Variants in RC3H1 observed in about 807,000 individuals in gnomAD.
The protein encoded by RC3H1 is ring finger and CCCH-type domains 1.
Under a neutral mutation model 138.2 loss-of-function variants are expected in RC3H1, and 50 were observed. The observed-to-expected ratio is 0.36, with a 90% CI of 0.29 to 0.46. RC3H1 has a LOEUF of 0.46. Among genes scored for constraint, RC3H1 ranks in the 20% least tolerant of loss-of-function variants. The pLI is 1.00. For synonymous variants in RC3H1, 462 were observed against 489.1 expected (o/e 0.94, Z 0.73); for missense variants, 1,031 against 1,388.1 (o/e 0.74, Z 4.09).
Position 174,010,952 on chromosome 1 carries a change from TAATG to T in RC3H1, c.-151+11140_-151+11143del, listed in dbSNP as rs61344364. Among the ~76,000 whole-genome samples, 1,068 of 152,296 alleles carry T rather than the reference TAATG, an allele frequency of 7.0e-3. 15 individuals are homozygous for T. The highest frequency in any genetic ancestry group is 0.024 in the African/African-American group (1,002 of 41,556). On this transcript the variant is annotated intron_variant, in intron 1 of 19. Coordinates refer to ENST00000367696, the MANE Select transcript of RC3H1 (RefSeq NM_172071.4). ...AAAACTCTGGGTACAATGGATTAAT[TAATG>T]AATGTCAATCATGGGGGAATAGGTG... is the stretch of plus-strand genomic sequence containing the variant.
At chr1:173,941,418 T>C in intron 18 of RC3H1, 38 bp from the exon 19 acceptor site, 2 of 1,318,224 alleles carry the variant, frequency 1.5e-6, no homozygotes, top group Non-Finnish European at 2.2e-6. Context: ...TTATCATCTA[T>C]TTAATGGTGT....
At chr1:173,985,202 A>G (rs1660976072) in intron 2 of RC3H1, among the ~76,000 whole-genome samples, 1 of 152,204 alleles carries the variant, frequency 6.6e-6, no homozygotes, top group African/African-American at 2.4e-5. Flanking sequence ...TATTTACACA[A>G]TCATCATTGA....
chr1:173,943,292 G>T, intron 18 of RC3H1, 150 bp downstream of exon 18: 1 of 623,138 alleles, frequency 1.6e-6, no homozygotes, highest in Non-Finnish European at 2.5e-6. Flanking sequence ...TGATAAAATC[G>T]GAAGGTAGCC....
chr1:173,983,182 C>G (rs1314791978), intron 4 of RC3H1: 1 of 529,610 alleles, frequency 1.9e-6, no homozygotes, highest in Non-Finnish European at 3.1e-6. Flanking sequence ...AAGGAAAAAT[C>G]AAAAAATTAA....
chr1:173,992,067 T>G (rs1486514372), intron 2 of RC3H1, among the ~76,000 whole-genome samples: 1 of 152,234 alleles, frequency 6.6e-6, no homozygotes, highest in Non-Finnish European at 1.5e-5. Context: ...CAGCTGCACC[T>G]TCTCTACTGA....
Position 173,982,783 on chromosome 1 carries a change from A to C in RC3H1, c.712T>G (p.Ser238Ala). Reference sequence around the variant, plus strand: ...ACAACATGCCCAATGCTAGTTTTAGAGGCTTGAGGAAACCGTGGCTCCAAT... The same window carrying C: ...ACAACATGCCCAATGCTAGTTTTAGCGGCTTGAGGAAACCGTGGCTCCAAT... ...QRLEPRFPQA[S>A]KTSIGHVVQL... The change falls in exon 5 of 20, where the codon TCT (serine) becomes GCT (alanine). Residue 238 changes from serine (S) to alanine (A), a missense_variant. By Grantham distance (99) the Ser-to-Ala change is moderately conservative. This residue lies in a region of RC3H1 where 53 missense variants were observed against 137.4 expected (regional missense o/e 0.39). Transcript: ENST00000367696. The C allele has an allele frequency of 6.2e-7, 1 of 1,613,590 alleles. No individual in the cohort carries two copies. The highest frequency in any genetic ancestry group is 2.2e-5 in the East Asian group (1 of 44,814).
chr1:173,986,496 C>G (rs1266267722), intron 2 of RC3H1, among the ~76,000 whole-genome samples: 1 of 152,074 alleles, frequency 6.6e-6, no homozygotes, highest in East Asian at 1.9e-4. Context: ...CCCAGACTGG[C>G]CTCGAATTCC....
intron 1 of RC3H1, chr1:174,009,288 A>G (rs1661709134): frequency 1.3e-5 from 2 of 152,090 alleles, no homozygotes. Flanking sequence ...TCTTCCTCCA[A>G]CCCTGAACCT....
intron 13 of RC3H1, among the ~76,000 whole-genome samples, chr1:173,954,596 G>GT (rs1363558699): frequency 6.6e-6 from 1 of 152,088 alleles, no homozygotes; most frequent in African/African-American, 2.4e-5. Context: ...AAAAAATTAT[G>GT]TTTTTTTGAA....
chr1:173,968,856 A>ATTTT (rs370550482), intron 9 of RC3H1, among the ~76,000 whole-genome samples: 13 of 128,086 alleles, frequency 1.0e-4, no homozygotes, highest in East Asian at 4.4e-4. Flanking sequence ...AGGAATTTTG[A>ATTTT]TTTTTTTTTT....
intron 13 of RC3H1, among the ~76,000 whole-genome samples, chr1:173,954,107 G>T (rs968633097): frequency 1.3e-5 from 2 of 152,110 alleles, no homozygotes; most frequent in Non-Finnish European, 2.9e-5. Flanking sequence ...CAAAGGAAAA[G>T]AAATCAGTAT....
At chr1:173,983,908 T>C (rs894099468) in intron 3 of RC3H1, among the ~76,000 whole-genome samples, 2 of 152,212 alleles carry the variant, frequency 1.3e-5, no homozygotes, top group African/African-American at 4.8e-5. Context: ...CCATTACTCA[T>C]TTTAATCATA....
intron 1 of RC3H1, among the ~76,000 whole-genome samples, chr1:174,006,674 C>T (rs1330407932): frequency 6.6e-6 from 1 of 152,090 alleles, no homozygotes; most frequent in Non-Finnish European, 1.5e-5. Flanking sequence ...CTGAGCATGA[C>T]TGGTTTTAAG....
In RC3H1 at chr1:173,947,448, G is replaced by C; in HGVS notation, c.2658C>G (p.Ser886=). The change falls in exon 15 of 20, where the codon TCC becomes TCG. Residue 886 remains serine, a synonymous_variant. Coordinates refer to ENST00000367696, the MANE Select transcript of RC3H1 (RefSeq NM_172071.4). Reference sequence around the variant, plus strand: ...GACCAGCACCCTGATATATAGTTTTGGAAGTTCGTGAGATGGCACCAAACC... The same window carrying C: ...GACCAGCACCCTGATATATAGTTTTCGAAGTTCGTGAGATGGCACCAAACC... The part of the protein sequence containing the change: ...VSRFGAISRT[S]KTIYQGAGPM... 1.2e-6 allele frequency: 2 copies of C among 1,614,020 alleles called. No individual in the cohort carries two copies. Among genetic ancestry groups the C allele is most frequent in the South Asian group, 2.2e-5 (2 of 91,072 alleles).
Position 173,970,600 on chromosome 1 carries a change from T to C in RC3H1, c.1239A>G (p.Lys413=). The C allele has an allele frequency of 6.2e-7, 1 of 1,613,708 alleles. No homozygotes were observed. The highest frequency in any genetic ancestry group is 8.5e-7 in the Non-Finnish European group (1 of 1,179,780). ...ADQQQPPQHS[K]YKTYMCRDMK... The stretch of plus-strand genomic sequence containing the variant: ...TATCTCGACACATGTATGTTTTGTA[T>C]TTGCTATGCTGTGGAGGCTAAAACC... The change falls in exon 9 of 20, where the codon AAA becomes AAG. Residue 413 remains lysine, a synonymous_variant. Transcript: ENST00000367696.
At chr1:173,998,492 C>G (rs897419932) in intron 1 of RC3H1, among the ~76,000 whole-genome samples, 4 of 152,118 alleles carry the variant, frequency 2.6e-5, no homozygotes, top group Non-Finnish European at 4.4e-5. Context: ...ACCTAAGACC[C>G]AAGTTCAAAA....
At chr1:173,988,868 C>G (rs1445107435) in intron 2 of RC3H1, among the ~76,000 whole-genome samples, 1 of 152,186 alleles carries the variant, frequency 6.6e-6, no homozygotes, top group Non-Finnish European at 1.5e-5. Flanking sequence ...TTGTTCAGCT[C>G]TTTGTCCATT....
In RC3H1 at chr1:174,014,774, G is replaced by A. The variant is rs144066427; in HGVS notation, c.-151+7322C>T. Among the ~76,000 whole-genome samples the A allele has an allele frequency of 4.2e-3, 646 of 152,258 alleles. 6 individuals carry two copies. The highest frequency in any genetic ancestry group is 0.013 in the African/African-American group (528 of 41,538). On this transcript the variant is annotated intron_variant, in intron 1 of 19. Transcript: ENST00000367696. ...GTTTTTAGAGATGAGGAATTATAAT[G>A]CTTAAGTCATAGAAGATGAGAACCT...
intron 1 of RC3H1, among the ~76,000 whole-genome samples, chr1:173,997,895 G>A (rs1259355518): frequency 6.6e-6 from 1 of 152,048 alleles, no homozygotes; most frequent in Non-Finnish European, 1.5e-5. Flanking sequence ...GATCTAAGAA[G>A]AATTTCCATT....
Sources: allele counts gnomAD v4.1 joint callset (sites outside exome capture counted in the v4.1 genomes callset), GRCh38; gene constraint gnomAD v4.1.1; regional missense constraint gnomAD v4.1.1; transcripts MANE v1.5; gene names NCBI Gene and HGNC (gene_info 2026-07-23, HGNC 2026-07-21).